MS4A2: variants seen among roughly 807,000 people sequenced by gnomAD.
MS4A2 encodes high affinity immunoglobulin epsilon receptor subunit beta.
Under a neutral mutation model 27.9 loss-of-function variants are expected in MS4A2, and 26 were observed. That is an observed-to-expected ratio of 0.93 (90% confidence interval 0.68 to 1.29). The LOEUF (loss-of-function observed/expected upper bound fraction) is 1.29. Ranked by LOEUF, MS4A2 falls within the 50% of genes most tolerant of loss-of-function variation. The pLI, the probability that MS4A2 is intolerant of heterozygous loss-of-function variation, is 0.00. For synonymous variants in MS4A2, 110 were observed against 98.8 expected (o/e 1.11, Z -0.67); for missense variants, 284 against 284.6 (o/e 1.00, Z 0.01).
rs1855857795 is a variant in MS4A2 at position 60,095,695 on chromosome 11, A to T, written c.*39A>T. On this transcript the variant is annotated 3_prime_UTR_variant, in exon 7 of 7. Transcript: ENST00000278888. ...AGAACACTCTGATTCACAGCCAAGG[A>T]TCCAGAAGGCCAAGGTCTTGTTAAG... The T allele has an allele frequency of 1.4e-6, 2 of 1,414,376 alleles. No individual in the cohort carries two copies. The highest frequency in any genetic ancestry group is 1.2e-5 in the South Asian group (1 of 86,870). 87.6% of individuals were successfully genotyped at this position (1,414,376 alleles called of 1,614,324 possible).
chr11:60,092,492 C>T (rs1341323985), intron 3 of MS4A2, among the ~76,000 whole-genome samples: 1 of 152,030 alleles, frequency 6.6e-6, no homozygotes. Flanking sequence ...GACAGGGTTT[C>T]ACCATTTTGG....
At chr11:60,088,977 T>A (rs935475100) in intron 1 of MS4A2, among the ~76,000 whole-genome samples, 156 bp downstream of exon 1, 1 of 152,172 alleles carries the variant, frequency 6.6e-6, no homozygotes, top group Non-Finnish European at 1.5e-5. Flanking sequence ...TGCTGTACTT[T>A]CCATGTGGTT....
At chr11:60,094,101 T>G (rs1855824120) in intron 6 of MS4A2, 39 bp downstream of exon 6, 5 of 1,370,912 alleles carry the variant, frequency 3.6e-6, no homozygotes, top group South Asian at 3.5e-5. Context: ...AATGACAGGT[T>G]AACGAATTGG....
rs2134698717 is a variant in MS4A2 at position 60,093,782 on chromosome 11, G to T, written c.538-182G>T. 3 of 791,350 alleles carry T rather than the reference G, an allele frequency of 3.8e-6. No homozygotes were observed. The East Asian group carries it at 8.0e-5, about 21-fold the overall frequency. The allele number at this position is 791,350 out of a possible 1,614,324, so 49.0% of individuals were successfully genotyped here. The stretch of plus-strand genomic sequence containing the variant: ...TTATCTACTGCAAGTGACGATCTCT[G>T]GGTTTTTCTGTGCCTGTGTTTGTGT... On this transcript the variant is annotated intron_variant, in intron 5 of 6. Transcript: ENST00000278888.
rs1025702407 is a variant in MS4A2 at position 60,097,042 on chromosome 11, A to C, written c.*1386A>C. The C allele has an allele frequency of 6.6e-6, 1 of 152,130 alleles. No homozygotes were observed. Among genetic ancestry groups the C allele is most frequent in the Non-Finnish European group, 1.5e-5 (1 of 68,010 alleles). The allele number at this position is 152,130 out of a possible 1,614,324, so 9.4% of individuals were successfully genotyped here. A position where few individuals can be genotyped will look rare whatever the true frequency, so the allele number is the denominator to read the frequency against. Reference sequence around the variant, plus strand: ...GAGGGCCTGATGACATCCAATACAGAGTTCTGGTAAAGATAAAATTTGATA... The same window carrying C: ...GAGGGCCTGATGACATCCAATACAGCGTTCTGGTAAAGATAAAATTTGATA... On this transcript the variant is annotated 3_prime_UTR_variant, in exon 7 of 7. Transcript: ENST00000278888.
rs755946053 is a variant in MS4A2 at position 60,096,456 on chromosome 11, T to G, written c.*800T>G. The stretch of plus-strand genomic sequence containing the variant: ...TGGAAATGGAAATAATGGTTATATC[T>G]AAAACATGTAGAAAAAGAGTAACTG... On this transcript the variant is annotated 3_prime_UTR_variant, in exon 7 of 7. Coordinates refer to ENST00000278888, the MANE Select transcript of MS4A2 (RefSeq NM_000139.5). The G allele has an allele frequency of 1.3e-5, 2 of 152,170 alleles. No homozygotes were observed. Among genetic ancestry groups the G allele is most frequent in the South Asian group, 2.1e-4 (1 of 4,828 alleles). The allele number at this position is 152,170 out of a possible 1,614,324, so 9.4% of individuals were successfully genotyped here.
At chr11:60,090,226 C>T (rs1855732588) in intron 2 of MS4A2, 110 bp from the exon 3 acceptor site, 5 of 1,091,006 alleles carry the variant, frequency 4.6e-6, no homozygotes, top group Non-Finnish European at 6.9e-6. Flanking sequence ...TTTCTCAGGA[C>T]AGTCTAGGAC....
In MS4A2 at chr11:60,098,121, A is replaced by G. The variant is rs1316101895; in HGVS notation, c.*2465A>G. On this transcript the variant is annotated 3_prime_UTR_variant, in exon 7 of 7. Transcript: ENST00000278888. ...TTTCATCATTGACTACATATTTCTT[A>G]TACACAACACACAATTTATGAATTT... is the stretch of plus-strand genomic sequence containing the variant. 1 of 152,156 alleles carries G rather than the reference A, an allele frequency of 6.6e-6. No homozygotes were observed. Among genetic ancestry groups the G allele is most frequent in the African/African-American group, 2.4e-5 (1 of 41,414 alleles). The allele number at this position is 152,156 out of a possible 1,614,324, so 9.4% of individuals were successfully genotyped here. A position where few individuals can be genotyped will look rare whatever the true frequency, so the allele number is the denominator to read the frequency against.
chr11:60,090,468 T>G lies in MS4A2; in HGVS notation c.319T>G (p.Phe107Val). The change falls in exon 3 of 7, where the codon TTT (phenylalanine) becomes GTT (valine). Residue 107 changes from phenylalanine to valine, a missense_variant and splice_region_variant. Coordinates refer to ENST00000278888, the MANE Select transcript of MS4A2 (RefSeq NM_000139.5). ...KAGYPFWGAI[F>V]FSISGMLSII... is the part of the protein sequence containing the mutation. ...AGGTTATCCATTCTGGGGAGCCATA[T>G]TTGTGAGTATATATCTATAATTGTT... The G allele has an allele frequency of 1.2e-6, 2 of 1,612,594 alleles. No individual in the cohort carries two copies. The highest frequency in any genetic ancestry group is 1.7e-6 in the Non-Finnish European group (2 of 1,179,700).
chr11:60,088,908 AT>A, intron 1 of MS4A2, 87 bp downstream of exon 1: 1 of 1,309,826 alleles, frequency 7.6e-7, no homozygotes, highest in African/African-American at 1.5e-5. Context: ...ATGAAACTTT[AT>A]TGATTTAGGC....
At position 60,097,378 on chromosome 11, in the gene MS4A2, A is replaced by G. The variant is rs1855888346; in HGVS notation, c.*1722A>G. The G allele has an allele frequency of 6.6e-6, 1 of 152,268 alleles. No individual in the cohort carries two copies. The highest frequency in any genetic ancestry group is 2.4e-5 in the African/African-American group (1 of 41,466). 9.4% of individuals were successfully genotyped at this position (152,268 alleles called of 1,614,324 possible). On this transcript the variant is annotated 3_prime_UTR_variant, in exon 7 of 7. Coordinates refer to ENST00000278888, the MANE Select transcript of MS4A2 (RefSeq NM_000139.5). ...AGTGATAAGCAACTCCACCTAAGGC[A>G]TGAATATGCGGCAGAGAAAACAGCA...
chr11:60,092,659 G>C (rs1855786344), intron 3 of MS4A2, 133 bp from the exon 4 acceptor site: 1 of 735,512 alleles, frequency 1.4e-6, no homozygotes, highest in Admixed American at 2.3e-5. Flanking sequence ...GAAAATATTG[G>C]GCTCACAGGT....
In MS4A2 at chr11:60,095,582, G is replaced by T; in HGVS notation, c.661G>T (p.Glu221Ter). 1.9e-6 allele frequency: 3 copies of T among 1,610,988 alleles called. No individual in the cohort carries two copies. Among genetic ancestry groups the T allele is most frequent in the Non-Finnish European group, 2.5e-6 (3 of 1,177,102 alleles). Residue 221 changes from glutamate to a stop codon, truncating the protein, a stop_gained, in exon 7 of 7, where the codon GAA (glutamate) becomes TAA (stop). Coordinates refer to ENST00000278888, the MANE Select transcript of MS4A2 (RefSeq NM_000139.5). LOFTEE classifies it high-confidence loss of function. The part of the protein sequence containing the change: ...NKVPEDRVYE[E>*]LNIYSATYSE... The stretch of plus-strand genomic sequence containing the variant: ...GGTTCCAGAGGATCGTGTTTATGAA[G>T]AATTAAACATATATTCAGCTACTTA...
Position 60,097,617 on chromosome 11 carries a change from CTAAGTA to C in MS4A2, c.*1966_*1971del, listed in dbSNP as rs1855892759. ...GGAAAAGATAGTTTATGTTTTTAGC[CTAAGTA>C]TAAGAGTCCTACAGATGGACTGAAA... On this transcript the variant is annotated 3_prime_UTR_variant, in exon 7 of 7. Transcript: ENST00000278888. 2.0e-5 allele frequency: 3 copies of C among 152,114 alleles called. No homozygotes were observed. Among genetic ancestry groups the C allele is most frequent in the Admixed American group, 6.5e-5 (1 of 15,270 alleles). The allele number at this position is 152,114 out of a possible 1,614,324, so 9.4% of individuals were successfully genotyped here.
intron 4 of MS4A2, 65 bp from the exon 5 acceptor site, chr11:60,093,335 A>G: frequency 1.9e-6 from 3 of 1,606,740 alleles, no homozygotes; most frequent in Non-Finnish European, 2.6e-6. Flanking sequence ...CCTGAAATGA[A>G]GATAGGTTTA....
At position 60,097,591 on chromosome 11, in the gene MS4A2, A is replaced by T. The variant is rs1855892451; in HGVS notation, c.*1935A>T. On this transcript the variant is annotated 3_prime_UTR_variant, in exon 7 of 7. Transcript: ENST00000278888. ...AAGAAAAAATTCTGTTTATAAAAGAAGGAAAAGATAGTTTATGTTTTTAGC... is the reference window on the plus strand; with the variant it reads ...AAGAAAAAATTCTGTTTATAAAAGATGGAAAAGATAGTTTATGTTTTTAGC... The T allele has an allele frequency of 6.6e-6, 1 of 152,244 alleles. No individual in the cohort carries two copies. The highest frequency in any genetic ancestry group is 2.1e-4 in the South Asian group (1 of 4,834). 9.4% of individuals were successfully genotyped at this position (152,244 alleles called of 1,614,324 possible). A position where few individuals can be genotyped will look rare whatever the true frequency, so the allele number is the denominator to read the frequency against.
chr11:60,093,945 A>G lies in MS4A2; in HGVS notation c.538-19A>G, dbSNP rs2134699211. 4.4e-6 allele frequency: 7 copies of G among 1,588,710 alleles called. No homozygotes were observed. The highest frequency in any genetic ancestry group is 6.1e-6 in the Non-Finnish European group (7 of 1,156,998). The stretch of plus-strand genomic sequence containing the variant: ...TACCATGTGACTCTTTTTGTTTGTC[A>G]TTTGTTGCTGTTCAATAGGAAATTG... On this transcript the variant is annotated intron_variant, in intron 5 of 6. Transcript: ENST00000278888.
At position 60,094,027 on chromosome 11, in the gene MS4A2, A is replaced by G. The variant is rs1855821898; in HGVS notation, c.601A>G (p.Ile201Val). ...LGLGSAVSLT[I>V]CGAGEELKGN... The stretch of plus-strand genomic sequence containing the variant: ...ACTTGGTAGTGCTGTGTCACTCACA[A>G]TCTGTGGAGCTGGGGAAGAACTCAA... The change falls in exon 6 of 7, where the codon ATC (isoleucine) becomes GTC (valine). Residue 201 changes from isoleucine to valine, a missense_variant. Coordinates refer to ENST00000278888, the MANE Select transcript of MS4A2 (RefSeq NM_000139.5). 2 of 1,613,940 alleles carry G rather than the reference A, an allele frequency of 1.2e-6. No individual in the cohort carries two copies. Among genetic ancestry groups the G allele is most frequent in the Non-Finnish European group, 1.7e-6 (2 of 1,179,932 alleles).
intron 3 of MS4A2, among the ~76,000 whole-genome samples, chr11:60,092,075 A>G (rs527646741): frequency 1.3e-5 from 2 of 152,222 alleles, no homozygotes; most frequent in African/African-American, 4.8e-5. Context: ...GGGCTGATGG[A>G]AGACGCACAT....
Sources: allele counts gnomAD v4.1 joint callset (sites outside exome capture counted in the v4.1 genomes callset), GRCh38; gene constraint gnomAD v4.1.1; transcripts MANE v1.5; gene names NCBI Gene and HGNC (gene_info 2026-07-23, HGNC 2026-07-21).